The following BRD1 variants were observed in gnomAD, a reference collection of about 807,000 sequenced individuals.
BRD1 encodes the protein bromodomain containing 1.
Under a neutral mutation model 107.7 loss-of-function variants are expected in BRD1, and 24 were observed. The ratio of observed to expected loss-of-function variants is 0.22; its 90% CI spans 0.16 to 0.31. BRD1 has a LOEUF of 0.31. BRD1 is among the 10% of genes least tolerant of loss of function. The probability of loss-of-function intolerance (pLI) is 1.00; values close to 1 mark genes in which losing one functional copy is unlikely to be tolerated. For missense variants in BRD1, 1,279 were observed against 1,638.6 expected, an observed-to-expected ratio of 0.78 and a Z score of 3.79; for synonymous variants, 744 against 686.1, an observed-to-expected ratio of 1.08 and a Z score of -1.32.
intron 8 of BRD1, among the ~76,000 whole-genome samples, chr22:49,786,021 G>A (rs1195263879): frequency 3.3e-5 from 5 of 152,162 alleles, no homozygotes; most frequent in Admixed American, 2.6e-4. Context: ...GAGGCTCCAT[G>A]ACACAGGACT....
chr22:49,777,218 C>A, intron 9 of BRD1, 57 bp from the exon 10 acceptor site: 3 of 1,598,524 alleles, frequency 1.9e-6, no homozygotes. Flanking sequence ...CAGCCTCACT[C>A]GGGCTTCGTC....
chr22:49,791,558 T>G (rs2059434796), intron 7 of BRD1, among the ~76,000 whole-genome samples: 1 of 152,192 alleles, frequency 6.6e-6, no homozygotes, highest in Non-Finnish European at 1.5e-5. Flanking sequence ...CATGCTGGGT[T>G]TTTAAATGTC....
At chr22:49,801,890 CCCA>C (rs1007508074) in intron 3 of BRD1, among the ~76,000 whole-genome samples, 1 of 152,240 alleles carries the variant, frequency 6.6e-6, no homozygotes, top group African/African-American at 2.4e-5. Flanking sequence ...TGCCCACTGG[CCCA>C]CGTGTCCTGC....
At chr22:49,793,209 A>G (rs1286754740) in intron 7 of BRD1, among the ~76,000 whole-genome samples, 1 of 152,168 alleles carries the variant, frequency 6.6e-6, no homozygotes, top group Non-Finnish European at 1.5e-5. Context: ...CAACGTCTCC[A>G]AATCCGATTT....
chr22:49,826,722 G>A (rs1165606488), intron 1 of BRD1, among the ~76,000 whole-genome samples: 2 of 152,172 alleles, frequency 1.3e-5, no homozygotes, highest in African/African-American at 4.8e-5. Flanking sequence ...AAAAACATCC[G>A]CCGATTCCAC....
In BRD1 at chr22:49,824,459, A is replaced by G. The variant is rs1312016196; in HGVS notation, c.-14-128T>C. The G allele has an allele frequency of 6.9e-7, 1 of 1,457,888 alleles. No homozygotes were observed. The allele number at this position is 1,457,888 out of a possible 1,614,324, so 90.3% of individuals were successfully genotyped here. A position where few individuals can be genotyped will look rare whatever the true frequency, so the allele number is the denominator to read the frequency against. ...CCCAATCAAAGCAAAACTCACAGCT[A>G]ACCTCTTTCCAAGGTGTCCAAAACC... On this transcript the variant is annotated intron_variant, in intron 1 of 12. Transcript: ENST00000404760. This position sits in a 1 kb window ranked among gnomAD's most constrained non-coding sequence, Gnocchi z 5.9.
Position 49,783,545 on chromosome 22 carries a change from C to T in BRD1, c.2857+3845G>A, listed in dbSNP as rs548452110. On this transcript the variant is annotated intron_variant, in intron 8 of 12. Transcript: ENST00000404760. This position sits in a 1 kb window ranked among gnomAD's most constrained non-coding sequence, Gnocchi z 4.2. ...ACCACCAGTCACTATGGGACGGCTC[C>T]GCACATGCTCAGGACAGCCTCAGAA... 2.6e-5 allele frequency among the ~76,000 whole-genome samples: 4 copies of T among 152,328 alleles called. No homozygotes were observed. Among genetic ancestry groups the T allele is most frequent in the African/African-American group, 7.2e-5 (3 of 41,570 alleles).
chr22:49,774,540 G>C, intron 12 of BRD1, 124 bp from the exon 13 acceptor site: 1 of 1,091,674 alleles, frequency 9.2e-7, no homozygotes, highest in East Asian at 2.5e-5. Flanking sequence ...GCACCACCAA[G>C]ACAGCTGGGC....
At position 49,827,865 on chromosome 22, in the gene BRD1, A is replaced by C. The variant is rs1024836885; in HGVS notation, c.-383T>G. Among the ~76,000 whole-genome samples, 1 of 143,684 alleles carries C rather than the reference A, an allele frequency of 7.0e-6. No homozygotes were observed. The highest frequency in any genetic ancestry group is 1.5e-5 in the Non-Finnish European group (1 of 65,182). 94.3% of individuals were successfully genotyped at this position (143,684 alleles called of 152,430 possible). ...TCGCTCGCTCGCTCCCCAGCGAAGC[A>C]AACAATGCGGCGAGCGCTCCGCCCG... On this transcript the variant is annotated 5_prime_UTR_variant, in exon 1 of 13. Coordinates refer to ENST00000404760, the MANE Select transcript of BRD1 (RefSeq NM_001304808.3).
chr22:49,776,917 T>G, intron 10 of BRD1, 117 bp downstream of exon 10: 1 of 1,455,548 alleles, frequency 6.9e-7, no homozygotes, highest in Non-Finnish European at 9.4e-7. Flanking sequence ...TTGGCCAGGG[T>G]GGGGCTCCAC....
At chr22:49,810,744 C>T (rs1434880420) in intron 2 of BRD1, among the ~76,000 whole-genome samples, 1 of 152,178 alleles carries the variant, frequency 6.6e-6, no homozygotes, top group African/African-American at 2.4e-5. Flanking sequence ...AAGCAAAACC[C>T]CCGAGCGATC....
At chr22:49,784,455 T>G (rs2059282723) in intron 8 of BRD1, among the ~76,000 whole-genome samples, 1 of 151,986 alleles carries the variant, frequency 6.6e-6, no homozygotes, top group South Asian at 2.1e-4. Context: ...AAGCCACGAG[T>G]CAGGGCCAGA....
chr22:49,822,869 C>T (rs918398304), intron 2 of BRD1, 82 bp downstream of exon 2: 6 of 1,486,148 alleles, frequency 4.0e-6, no homozygotes, highest in Admixed American at 2.0e-5. Context: ...CCACACAGCA[C>T]GGGCCCTGCA....
At position 49,817,026 on chromosome 22, in the gene BRD1, C is replaced by T. The variant is rs1458170930; in HGVS notation, c.1367+5925G>A. Among the ~76,000 whole-genome samples, 4 of 152,352 alleles carry T rather than the reference C, an allele frequency of 2.6e-5. No homozygotes were observed. The East Asian group carries it at 5.8e-4, about 22-fold the overall frequency. On this transcript the variant is annotated intron_variant, in intron 2 of 12. Transcript: ENST00000404760. ...CCTTCTGCCACCATTTCAGACACCC[C>T]ACAGGGACTCATTTTGGGGGTTCCC...
At chr22:49,790,784 C>G (rs1172664265) in intron 7 of BRD1, among the ~76,000 whole-genome samples, 1 of 152,340 alleles carries the variant, frequency 6.6e-6, no homozygotes, top group Non-Finnish European at 1.5e-5. Context: ...CTGCGTACTC[C>G]GCACCTTCTA....
chr22:49,808,624 T>C (rs1350331577), intron 2 of BRD1, among the ~76,000 whole-genome samples: 1 of 152,182 alleles, frequency 6.6e-6, no homozygotes, highest in Non-Finnish European at 1.5e-5. Context: ...GCAACAGCAA[T>C]ATCAAAGTGC....
rs1477475832 is a variant in BRD1, at chr22:49,803,793, C to G, written c.1524+411G>C. On this transcript the variant is annotated intron_variant, in intron 3 of 12. Coordinates refer to ENST00000404760, the MANE Select transcript of BRD1 (RefSeq NM_001304808.3). The surrounding 1 kb of genome is among the most constrained non-coding windows in gnomAD (Gnocchi z 4.4). ...CAAAACCCACCCTCCAGGCCCAGCA[C>G]ACAGACCCCCACCCACATGGCCCGG... Among the ~76,000 whole-genome samples, 2 of 152,140 alleles carry G rather than the reference C, an allele frequency of 1.3e-5. No individual in the cohort carries two copies. Among genetic ancestry groups the G allele is most frequent in the South Asian group, 4.1e-4 (2 of 4,832 alleles).
At chr22:49,826,883 C>T (rs1430105231) in intron 1 of BRD1, among the ~76,000 whole-genome samples, 1 of 152,206 alleles carries the variant, frequency 6.6e-6, no homozygotes, top group South Asian at 2.1e-4. Context: ...CCGCGTTTCC[C>T]GTGAACTGCG....
chr22:49,824,642 G>A lies in BRD1; in HGVS notation c.-14-311C>T, dbSNP rs550956225. ...AACAGGCTGCGGAGACCACAGCAAC[G>A]CTCCCCAAGGAGGAGGGGTCCGGCC... On this transcript the variant is annotated intron_variant, in intron 1 of 12. Transcript: ENST00000404760. This position sits in a 1 kb window ranked among gnomAD's most constrained non-coding sequence, Gnocchi z 5.9. 193 of 1,164,334 alleles carry A rather than the reference G, an allele frequency of 1.7e-4. No individual in the cohort carries two copies. Among genetic ancestry groups the A allele is most frequent in the Non-Finnish European group, 1.8e-4 (172 of 937,762 alleles). 72.1% of individuals were successfully genotyped at this position (1,164,334 alleles called of 1,614,324 possible).
Sources: allele counts gnomAD v4.1 joint callset (sites outside exome capture counted in the v4.1 genomes callset), GRCh38; gene constraint gnomAD v4.1.1; non-coding constraint Gnocchi (gnomAD v3.1); transcripts MANE v1.5; gene names NCBI Gene and HGNC (gene_info 2026-07-23, HGNC 2026-07-21).